Variants in MUC4 observed in about 807,000 individuals in gnomAD.
MUC4 encodes mucin-4.
In MUC4, 202 loss-of-function variants were observed where a neutral mutation model predicts 257.9. The observed-to-expected ratio is 0.78, with a 90% CI of 0.70 to 0.88. The LOEUF is 0.88. MUC4 is among the 40% of genes least tolerant of loss of function. MUC4 has a pLI of 0.00. For synonymous variants in MUC4, 2,351 were observed against 2,757.1 expected (o/e 0.85, Z 4.62); for missense variants, 5,976 against 6,513.7 (o/e 0.92, Z 2.84).
Position 195,780,674 on chromosome 3 carries a change from T to C in MUC4, c.10906A>G (p.Thr3636Ala). The C allele has an allele frequency of 6.6e-7, 1 of 1,521,932 alleles. No homozygotes were observed. The highest frequency in any genetic ancestry group is 8.8e-7 in the Non-Finnish European group (1 of 1,142,290). The allele number at this position is 1,521,932 out of a possible 1,614,324, so 94.3% of individuals were successfully genotyped here. ...STGQATPLPVTSLSSVSTGDT... is the reference protein window; with the variant it reads ...STGQATPLPVASLSSVSTGDT... ...CCTGTGGATACTGAGGAAAGGCTGGTGACAGGAAGAGGGGTGGCCTGACCT... is the reference window on the plus strand; with the variant it reads ...CCTGTGGATACTGAGGAAAGGCTGGCGACAGGAAGAGGGGTGGCCTGACCT... The change falls in exon 2 of 25, where the codon ACC (threonine) becomes GCC (alanine). Residue 3636 changes from threonine (T) to alanine (A), a missense_variant. Physicochemically the swap from Thr to Ala is moderately conservative, Grantham distance 58. Around this residue, in one of 44 missense-constraint regions of MUC4, gnomAD observed 59 missense variants for 149.8 expected, o/e 0.39. Transcript: ENST00000463781.
chr3:195,765,125 G>A lies in MUC4; in HGVS notation c.13799-3C>T, dbSNP rs377394217. ...CCTACTGCCGAGGCCCCAGCGACCTGAAACAAGTCCAGTCCCACTCAGGCC... is the reference window on the plus strand; with the variant it reads ...CCTACTGCCGAGGCCCCAGCGACCTAAAACAAGTCCAGTCCCACTCAGGCC... On this transcript the variant is annotated splice_polypyrimidine_tract_variant and splice_region_variant and intron_variant, in intron 9 of 24. Transcript: ENST00000463781. 242 of 1,611,578 alleles carry A rather than the reference G, an allele frequency of 1.5e-4. No individual in the cohort carries two copies. Among genetic ancestry groups the A allele is most frequent in the Non-Finnish European group, 2.0e-4 (237 of 1,178,806 alleles).
At chr3:195,761,414 G>C in intron 15 of MUC4, 70 bp downstream of exon 15, 1 of 1,330,700 alleles carries the variant, frequency 7.5e-7, no homozygotes, top group Non-Finnish European at 1.1e-6. Context: ...CTACAGGGCC[G>C]AGGGGGACGA....
rs1051579978 is a variant in MUC4, at chr3:195,810,216, C to A, written c.82+1520G>T. On this transcript the variant is annotated intron_variant, in intron 1 of 24. Coordinates refer to ENST00000463781, the MANE Select transcript of MUC4 (RefSeq NM_018406.7). The surrounding 1 kb of genome is among the most constrained non-coding windows in gnomAD (Gnocchi z 4.2). ...TCCCGAGGTGGAAGGGTCCGCTTCA[C>A]CAGCATGGCTTCTCTTGCAGCCTTT... 2 of 152,350 alleles carry A rather than the reference C, an allele frequency of 1.3e-5. No individual in the cohort carries two copies. The highest frequency in any genetic ancestry group is 4.8e-5 in the African/African-American group (2 of 41,462). 9.4% of individuals were successfully genotyped at this position (152,350 alleles called of 1,614,324 possible).
At position 195,779,963 on chromosome 3, in the gene MUC4, G is replaced by T. The variant is rs1361054569; in HGVS notation, c.11617C>A (p.Leu3873Ile). 7.6e-6 allele frequency: 11 copies of T among 1,448,532 alleles called. No individual in the cohort carries two copies. In the Admixed American group the frequency reaches 8.6e-5, roughly 11 times the overall value. The allele number at this position is 1,448,532 out of a possible 1,614,324, so 89.7% of individuals were successfully genotyped here. ...GCTGAGGAAAGGCCGGTAACAGGAA[G>T]AGGGGTGGCGTGACCTGTGGATGCT... ...SSASTGHATPLPVTGLSSAST... is the reference protein window; with the variant it reads ...SSASTGHATPIPVTGLSSAST... The change falls in exon 2 of 25, where the codon CTT becomes ATT. Residue 3873 changes from leucine to isoleucine, a missense_variant. Transcript: ENST00000463781.
At chr3:195,754,546 C>T (rs1577949385) in intron 18 of MUC4, among the ~76,000 whole-genome samples, 174 bp from the exon 19 acceptor site, 1 of 152,380 alleles carries the variant, frequency 6.6e-6, no homozygotes, top group East Asian at 1.9e-4. Flanking sequence ...AAGGCCCTGC[C>T]TAAAGCCACA....
In MUC4 at chr3:195,778,780, T is replaced by G; in HGVS notation, c.12790+10A>C. Reference sequence around the variant, plus strand: ...CTGGGAGACATAAAGGCGAGGCAGTTGGCAGCTACCTGGTGTTTCCATCTT... The same window carrying G: ...CTGGGAGACATAAAGGCGAGGCAGTGGGCAGCTACCTGGTGTTTCCATCTT... On this transcript the variant is annotated intron_variant, in intron 2 of 24. Transcript: ENST00000463781. 6.2e-7 allele frequency: 1 copy of G among 1,603,836 alleles called. No homozygotes were observed. The highest frequency in any genetic ancestry group is 2.2e-5 in the East Asian group (1 of 44,722).
chr3:195,780,950 A>C lies in MUC4; in HGVS notation c.10630T>G (p.Ser3544Ala), dbSNP rs1727404937. ...ATPLPVTSLS[S>A]VSTGDTTPLP... The stretch of plus-strand genomic sequence containing the variant: ...GGGGTGGTGTCACCTGTGGATACTG[A>C]GGAAAGGCTGGTGACAGGAAGAGGC... Residue 3544 changes from serine to alanine, a missense_variant, in exon 2 of 25, where the codon TCA becomes GCA. Ser to Ala is a moderately conservative substitution (Grantham distance 99). Around this residue, in one of 44 missense-constraint regions of MUC4, gnomAD observed 297 missense variants for 240.9 expected, o/e 1.23. Coordinates refer to ENST00000463781, the MANE Select transcript of MUC4 (RefSeq NM_018406.7). 2 of 1,499,236 alleles carry C rather than the reference A, an allele frequency of 1.3e-6. No individual in the cohort carries two copies. Among genetic ancestry groups the C allele is most frequent in the African/African-American group, 1.5e-5 (1 of 64,726 alleles). 92.9% of individuals were successfully genotyped at this position (1,499,236 alleles called of 1,614,324 possible).
intron 16 of MUC4, 95 bp from the exon 17 acceptor site, chr3:195,759,356 T>G (rs1249952048): frequency 6.7e-7 from 1 of 1,481,836 alleles, no homozygotes; most frequent in Non-Finnish European, 9.2e-7. Flanking sequence ...TGTGAGGCAT[T>G]CCCAGGACTG....
chr3:195,810,739 G>A lies in MUC4; in HGVS notation c.82+997C>T, dbSNP rs1736603775. On this transcript the variant is annotated intron_variant, in intron 1 of 24. Coordinates refer to ENST00000463781, the MANE Select transcript of MUC4 (RefSeq NM_018406.7). The surrounding 1 kb of genome is among the most constrained non-coding windows in gnomAD (Gnocchi z 4.2). ...CTTGTCGCTTCCCTTGCTTGCTGCT[G>A]TCTCCCGATCTTCTCCTCTCTCCAT... is the stretch of plus-strand genomic sequence containing the variant. Among the ~76,000 whole-genome samples the A allele has an allele frequency of 2.0e-5, 3 of 152,216 alleles. No individual in the cohort carries two copies. Among genetic ancestry groups the A allele is most frequent in the Middle Eastern group, 3.4e-3 (1 of 294 alleles).
intron 8 of MUC4, 148 bp from the exon 9 acceptor site, chr3:195,765,597 TC>T: frequency 1.3e-6 from 1 of 773,516 alleles, no homozygotes; most frequent in Non-Finnish European, 2.0e-6. Context: ...CAACAATTCC[TC>T]CCCCAAAGCC....
chr3:195,748,877 A>G, intron 24 of MUC4, 25 bp downstream of exon 24: 2 of 1,539,604 alleles, frequency 1.3e-6, no homozygotes, highest in South Asian at 1.3e-5. Context: ...ACTGTCCTCC[A>G]CCTCCTGGCC....
chr3:195,767,915 G>A (rs13321856), intron 7 of MUC4, among the ~76,000 whole-genome samples: 97,016 of 110,868 alleles, frequency 0.88, 42,980 homozygotes, highest in South Asian at 0.97. Context: ...CATCACCATC[G>A]CCACTGCCAC....
chr3:195,786,859 G>T lies in MUC4; in HGVS notation c.4721C>A (p.Pro1574His). The T allele has an allele frequency of 6.5e-7, 1 of 1,536,510 alleles. No individual in the cohort carries two copies. Among genetic ancestry groups the T allele is most frequent in the Non-Finnish European group, 8.8e-7 (1 of 1,139,504 alleles). Residue 1574 changes from proline to histidine, a missense_variant, in exon 2 of 25, where the codon CCT becomes CAT. Physicochemically the swap from Pro to His is moderately conservative, Grantham distance 77. Around this residue, in one of 44 missense-constraint regions of MUC4, gnomAD observed 63 missense variants for 68.8 expected, o/e 0.92. Coordinates refer to ENST00000463781, the MANE Select transcript of MUC4 (RefSeq NM_018406.7). Reference sequence around the variant, plus strand: ...GGTGTGACCTGTAGATGCTGAGGAAGGGCTGGTGACAGGAAGAGGGGTGGT... The same window carrying T: ...GGTGTGACCTGTAGATGCTGAGGAATGGCTGGTGACAGGAAGAGGGGTGGT... ...GHTTPLPVTS[P>H]SSASTGHTTP...
Position 195,788,261 on chromosome 3 carries a change from C to G in MUC4, c.3319G>C (p.Val1107Leu), listed in dbSNP as rs1241416437. The G allele has an allele frequency of 1.4e-6, 2 of 1,473,808 alleles. No homozygotes were observed. The highest frequency in any genetic ancestry group is 1.8e-6 in the Non-Finnish European group (2 of 1,105,120). 91.3% of individuals were successfully genotyped at this position (1,473,808 alleles called of 1,614,324 possible). A position where few individuals can be genotyped will look rare whatever the true frequency, so the allele number is the denominator to read the frequency against. ...GTGGATACTGAGGAAGTGTCGGTGA[C>G]AGGAAGAGAGGTGGCGTGACCTGTG... ...ASTGHATSLP[V>L]TDTSSVSTGH... The change falls in exon 2 of 25, where the codon GTC (valine) becomes CTC (leucine). Residue 1107 changes from valine to leucine, a missense_variant. Transcript: ENST00000463781.
chr3:195,811,660 A>T (rs1216356780), intron 1 of MUC4, 76 bp downstream of exon 1: 25 of 1,290,990 alleles, frequency 1.9e-5, no homozygotes, highest in Non-Finnish European at 2.7e-5. Context: ...GTCTCCCCGG[A>T]CCTCTTTCTC....
chr3:195,783,877 GCGGAAGTGTCGGTGAC>G lies in MUC4; in HGVS notation c.7687_7702del (p.Val2563GlnfsTer436), dbSNP rs1379875456. ...AGGGGTGGCGTGACCTGTGGATGCT[GCGGAAGTGTCGGTGAC>G]AGGAAGAGAGGTGGCGTGACCTGTG... On this transcript the variant is annotated frameshift_variant, in exon 2 of 25. Transcript: ENST00000463781. LOFTEE classifies it high-confidence loss of function. 2 of 1,503,874 alleles carry G rather than the reference GCGGAAGTGTCGGTGAC, an allele frequency of 1.3e-6. No individual in the cohort carries two copies. Among genetic ancestry groups the G allele is most frequent in the African/African-American group, 1.6e-5 (1 of 63,734 alleles). The allele number at this position is 1,503,874 out of a possible 1,614,324, so 93.2% of individuals were successfully genotyped here. A position where few individuals can be genotyped will look rare whatever the true frequency, so the allele number is the denominator to read the frequency against.
intron 24 of MUC4, 21 bp downstream of exon 24, chr3:195,748,881 C>T (rs776184892): frequency 1.3e-6 from 2 of 1,544,992 alleles, no homozygotes; most frequent in South Asian, 1.2e-5. Flanking sequence ...TCCTCCACCT[C>T]CTGGCCACAG....
At chr3:195,803,616 T>C (rs1474691799) in intron 1 of MUC4, among the ~76,000 whole-genome samples, 1 of 152,248 alleles carries the variant, frequency 6.6e-6, no homozygotes, top group Non-Finnish European at 1.5e-5. Context: ...TGGTGCTTTA[T>C]AGCTTATCTT....
intron 6 of MUC4, among the ~76,000 whole-genome samples, chr3:195,769,852 C>T (rs534406172): frequency 9.7e-4 from 147 of 152,316 alleles, no homozygotes; most frequent in African/African-American, 3.3e-3. Context: ...GTTACTTAAC[C>T]TCTCTAACCA....
Sources: allele counts gnomAD v4.1 joint callset (sites outside exome capture counted in the v4.1 genomes callset), GRCh38; gene constraint gnomAD v4.1.1; regional missense constraint gnomAD v4.1.1; non-coding constraint Gnocchi (gnomAD v3.1); transcripts MANE v1.5; gene names NCBI Gene and HGNC (gene_info 2026-07-23, HGNC 2026-07-21).